The following TYW1 variants were observed in gnomAD, a reference collection of about 807,000 sequenced individuals.
The protein encoded by TYW1 is tRNA-yW synthesizing protein 1 homolog, also known as S-adenosyl-L-methionine-dependent tRNA 4-demethylwyosine synthase TYW1.
In TYW1, 46 loss-of-function variants were observed where a neutral mutation model predicts 96.2. The ratio of observed to expected loss-of-function variants is 0.48; its 90% CI spans 0.38 to 0.61. The LOEUF (loss-of-function observed/expected upper bound fraction) is 0.61, where lower values mean the gene tolerates loss of function less well. TYW1 is among the 20% of genes least tolerant of loss of function. TYW1 has a pLI of 0.00. For missense variants in TYW1, 684 were observed against 909.6 expected, an observed-to-expected ratio of 0.75 and a Z score of 3.19; for synonymous variants, 274 against 323.0, an observed-to-expected ratio of 0.85 and a Z score of 1.63.
intron 15 of TYW1, among the ~76,000 whole-genome samples, chr7:67,237,236 C>T (rs75999368): frequency 1.9e-5 from 2 of 105,626 alleles, no homozygotes; most frequent in Non-Finnish European, 4.1e-5. Flanking sequence ...CGTGGTGGCT[C>T]ACGCCTGTAA....
chr7:67,060,992 C>T (rs1368793852), intron 9 of TYW1, among the ~76,000 whole-genome samples: 1 of 152,132 alleles, frequency 6.6e-6, no homozygotes, highest in Non-Finnish European at 1.5e-5. Context: ...CTTTCAGAGG[C>T]CAAGGCTGGC....
chr7:67,053,567 A>G (rs1399014315), intron 8 of TYW1, among the ~76,000 whole-genome samples: 2 of 151,908 alleles, frequency 1.3e-5, no homozygotes, highest in Non-Finnish European at 2.9e-5. Context: ...TTTAGTAGAG[A>G]CAGGGTTTCA....
chr7:67,027,251 T>C (rs764669601), intron 7 of TYW1, among the ~76,000 whole-genome samples: 1 of 151,718 alleles, frequency 6.6e-6, no homozygotes, highest in Non-Finnish European at 1.5e-5. Context: ...TATGTCAGAA[T>C]AATTTCCAAA....
chr7:67,113,892 G>C (rs1299458773), intron 12 of TYW1, among the ~76,000 whole-genome samples: 3 of 152,160 alleles, frequency 2.0e-5, no homozygotes, highest in African/African-American at 7.2e-5. Flanking sequence ...TCCTGTCTCA[G>C]CCTCCCAAAG....
At chr7:67,044,053 T>TAGAACCC (rs1795109437) in intron 7 of TYW1, among the ~76,000 whole-genome samples, 1 of 152,054 alleles carries the variant, frequency 6.6e-6, no homozygotes, top group African/African-American at 2.4e-5. Flanking sequence ...GATATAATTT[T>TAGAACCC]TATTAGTTTA....
At chr7:67,015,880 G>A (rs946839069) in intron 5 of TYW1, among the ~76,000 whole-genome samples, 2 of 151,322 alleles carry the variant, frequency 1.3e-5, no homozygotes, top group Admixed American at 6.6e-5. Flanking sequence ...GGAGAATGGC[G>A]TGTACTCGGG....
intron 13 of TYW1, among the ~76,000 whole-genome samples, chr7:67,176,124 A>T (rs1205574145): frequency 6.6e-6 from 1 of 152,212 alleles, no homozygotes; most frequent in Non-Finnish European, 1.5e-5. Context: ...TATCAGTTAA[A>T]TATTAGTTAA....
At position 67,083,513 on chromosome 7, in the gene TYW1, A is replaced by C. The variant is rs778765728; in HGVS notation, c.1358A>C (p.His453Pro). 2 of 1,614,144 alleles carry C rather than the reference A, an allele frequency of 1.2e-6. No homozygotes were observed. The highest frequency in any genetic ancestry group is 8.5e-7 in the Non-Finnish European group (1 of 1,180,022). ...EMILKEAIENHQNMIKQFKGV... is the reference protein window; with the variant it reads ...EMILKEAIENPQNMIKQFKGV... ...ATCTTGAAGGAAGCCATTGAAAACC[A>C]TCAGAACATGATTAAGCAGTTTAAA... The change falls in exon 11 of 16, where the codon CAT becomes CCT. Residue 453 changes from histidine (H) to proline (P), a missense_variant. His to Pro is a moderately conservative substitution (Grantham distance 77). Coordinates refer to ENST00000359626, the MANE Select transcript of TYW1 (RefSeq NM_018264.4).
chr7:67,006,879 C>T (rs1369030254), intron 3 of TYW1, among the ~76,000 whole-genome samples: 1 of 148,628 alleles, frequency 6.7e-6, no homozygotes, highest in Non-Finnish European at 1.5e-5. Flanking sequence ...CTTCAGGAAG[C>T]TTCCACCCAT....
chr7:67,000,044 T>C (rs1793325814), intron 3 of TYW1, among the ~76,000 whole-genome samples: 1 of 152,018 alleles, frequency 6.6e-6, no homozygotes, highest in Non-Finnish European at 1.5e-5. Flanking sequence ...CAAGGCATCC[T>C]CCCACCTCAG....
chr7:67,219,129 G>T (rs1393167137), intron 15 of TYW1, among the ~76,000 whole-genome samples: 11 of 152,190 alleles, frequency 7.2e-5, no homozygotes, highest in Non-Finnish European at 8.8e-5. Flanking sequence ...AAAGGGTGTT[G>T]TTTTGTCAGA....
chr7:67,005,660 A>G (rs935146530), intron 3 of TYW1, among the ~76,000 whole-genome samples: 1 of 152,218 alleles, frequency 6.6e-6, no homozygotes, highest in African/African-American at 2.4e-5. Flanking sequence ...GGACTAAGAC[A>G]GTGTTTCTGA....
At chr7:67,222,870 T>TC (rs1563078505) in intron 15 of TYW1, among the ~76,000 whole-genome samples, 3 of 72,868 alleles carry the variant, frequency 4.1e-5, no homozygotes, top group South Asian at 9.1e-4. Flanking sequence ...TTTTTTCTTT[T>TC]TTTTTTTTTT....
In TYW1 at chr7:66,998,208, A is replaced by ATTT; in HGVS notation, c.135+21_135+23dup. The ATTT allele has an allele frequency of 1.4e-6, 2 of 1,412,194 alleles. No homozygotes were observed. The highest frequency in any genetic ancestry group is 4.3e-5 in the Admixed American group (2 of 46,934). The allele number at this position is 1,412,194 out of a possible 1,614,324, so 87.5% of individuals were successfully genotyped here. On this transcript the variant is annotated intron_variant, in intron 2 of 15. Coordinates refer to ENST00000359626, the MANE Select transcript of TYW1 (RefSeq NM_018264.4). ...CATCAAGACGCAGGTAAGTGGAGTT[A>ATTT]TTTTTTTTTTAATGGAGTATTTAGG...
rs1339504747 is a variant in TYW1, at chr7:67,116,334, AAAAG to A, written c.1563-1145_1563-1142del. 1.9e-4 allele frequency among the ~76,000 whole-genome samples: 27 copies of A among 139,908 alleles called. 1 individual carries two copies. In the South Asian group the frequency reaches 2.5e-3, roughly 13 times the overall value. 91.8% of individuals were successfully genotyped at this position (139,908 alleles called of 152,430 possible). A position where few individuals can be genotyped will look rare whatever the true frequency, so the allele number is the denominator to read the frequency against. ...AGGGAGAATCCATCTCAAAAAAAAAAAAAGAAAAGAAAAGAAAAGAAAAAAAGTA... is the reference window on the plus strand; with the variant it reads ...AGGGAGAATCCATCTCAAAAAAAAAAAAAAGAAAAGAAAAGAAAAAAAGTA... On this transcript the variant is annotated intron_variant, in intron 12 of 15. Coordinates refer to ENST00000359626, the MANE Select transcript of TYW1 (RefSeq NM_018264.4).
intron 3 of TYW1, among the ~76,000 whole-genome samples, chr7:67,005,492 C>T (rs1024027270): frequency 9.2e-5 from 14 of 152,130 alleles, no homozygotes; most frequent in African/African-American, 1.7e-4. Context: ...GCTACTTGGG[C>T]GGCTGAGGTG....
intron 8 of TYW1, among the ~76,000 whole-genome samples, chr7:67,050,821 A>G (rs796887239): frequency 6.6e-6 from 1 of 151,958 alleles, no homozygotes; most frequent in South Asian, 2.1e-4. Context: ...TTTTTTAAAA[A>G]TGACTCTATT....
intron 7 of TYW1, among the ~76,000 whole-genome samples, chr7:67,043,400 A>G (rs1010780231): frequency 3.3e-5 from 5 of 151,636 alleles, no homozygotes; most frequent in African/African-American, 1.2e-4. Context: ...ATGTTGCTAA[A>G]TAATCCCCAC....
At chr7:67,113,665 G>GCC (rs931993389) in intron 12 of TYW1, among the ~76,000 whole-genome samples, 1 of 141,150 alleles carries the variant, frequency 7.1e-6, no homozygotes, top group African/African-American at 2.7e-5. Flanking sequence ...TTGATGTGGA[G>GCC]TCTTGCTCTG....
Sources: allele counts gnomAD v4.1 joint callset (sites outside exome capture counted in the v4.1 genomes callset), GRCh38; gene constraint gnomAD v4.1.1; transcripts MANE v1.5; gene names NCBI Gene and HGNC (gene_info 2026-07-23, HGNC 2026-07-21).